Variants in YEATS4 observed in about 807,000 individuals in gnomAD.
YEATS4 encodes the protein YEATS domain-containing protein 4.
YEATS4 carries 17 observed loss-of-function variants against 30.1 expected under a neutral mutation model. That is an observed-to-expected ratio of 0.56 (90% CI 0.39 to 0.85). The LOEUF (loss-of-function observed/expected upper bound fraction) is 0.85. YEATS4 is among the 40% of genes least tolerant of loss of function. YEATS4 has a pLI of 0.00. For missense variants in YEATS4, 142 were observed against 268.3 expected (o/e 0.53, Z 3.29); for synonymous variants, 85 against 87.5 (o/e 0.97, Z 0.16).
At chr12:69,372,143 G>A (rs1481259680) in intron 6 of YEATS4, among the ~76,000 whole-genome samples, 1 of 151,950 alleles carries the variant, frequency 6.6e-6, no homozygotes, top group Non-Finnish European at 1.5e-5. Flanking sequence ...GAGATATGAA[G>A]TCATTTGTGA....
At chr12:69,402,889 A>G in the YEATS4 span, among the ~76,000 whole-genome samples, 1 of 150,786 alleles carries the variant, frequency 6.6e-6, no homozygotes, top group African/African-American at 2.4e-5. Context: ...CGCCTGGCTA[A>G]TTTTTGTATT....
intron 1 of YEATS4, 27 bp from the exon 2 acceptor site, chr12:69,362,761 T>C: frequency 6.4e-7 from 1 of 1,554,394 alleles, no homozygotes; most frequent in Non-Finnish European, 8.8e-7. Context: ...ACAATATTCA[T>C]TTATTTTAAA....
the YEATS4 span, among the ~76,000 whole-genome samples, chr12:69,397,491 A>T: frequency 6.6e-6 from 1 of 152,148 alleles, no homozygotes; most frequent in Non-Finnish European, 1.5e-5. Context: ...AAGATAGTGA[A>T]TAAGTCTCAT....
the YEATS4 span, among the ~76,000 whole-genome samples, chr12:69,399,490 TAGTA>T: frequency 6.6e-6 from 1 of 152,098 alleles, no homozygotes. Flanking sequence ...AGACAGACAA[TAGTA>T]AGTGTTGATG....
chr12:69,426,163 G>A, the YEATS4 span, among the ~76,000 whole-genome samples: 8 of 152,138 alleles, frequency 5.3e-5, no homozygotes, highest in Non-Finnish European at 7.3e-5. Flanking sequence ...GATCACTTGA[G>A]CCCAGGAGTT....
At chr12:69,426,294 T>C in the YEATS4 span, among the ~76,000 whole-genome samples, 2 of 152,204 alleles carry the variant, frequency 1.3e-5, no homozygotes, top group African/African-American at 4.8e-5. Context: ...ATCTTTGCTT[T>C]CTAGGCTAAG....
chr12:69,414,556 T>C, the YEATS4 span, among the ~76,000 whole-genome samples: 2 of 152,182 alleles, frequency 1.3e-5, no homozygotes, highest in Admixed American at 6.5e-5. Flanking sequence ...GTCCCCCAAA[T>C]TGGACAAATT....
chr12:69,422,630 C>CAAAAAAAAAAAA, the YEATS4 span: 1 of 40,484 alleles, frequency 2.5e-5, no homozygotes, highest in African/African-American at 1.0e-4. Flanking sequence ...GACCCTGTCT[C>CAAAAAAAAAAAA]AAAAAAAAAA....
intron 6 of YEATS4, among the ~76,000 whole-genome samples, chr12:69,379,904 T>C (rs1049727500): frequency 3.9e-5 from 6 of 152,212 alleles, no homozygotes; most frequent in African/African-American, 1.4e-4. Flanking sequence ...TTCTTCCATA[T>C]GTCAGTGGTG....
Position 69,390,399 on chromosome 12 carries a change from G to A in YEATS4, c.*83G>A, listed in dbSNP as rs1868303737. On this transcript the variant is annotated 3_prime_UTR_variant, in exon 7 of 7. Coordinates refer to ENST00000247843, the MANE Select transcript of YEATS4 (RefSeq NM_006530.4). ...GAGAAATGGACTTACTGCAAATGCT[G>A]TGATGTTTCTTAGAGGAACTTCATA... 3.8e-6 allele frequency: 5 copies of A among 1,311,560 alleles called. No homozygotes were observed. Among genetic ancestry groups the A allele is most frequent in the Non-Finnish European group, 4.1e-6 (4 of 978,658 alleles). 81.2% of individuals were successfully genotyped at this position (1,311,560 alleles called of 1,614,324 possible).
chr12:69,389,268 G>T (rs952224113), intron 6 of YEATS4, among the ~76,000 whole-genome samples: 3 of 151,746 alleles, frequency 2.0e-5, no homozygotes, highest in Admixed American at 2.0e-4. Context: ...TGGGCAACAC[G>T]GTGAAACCCC....
At chr12:69,414,534 A>G in the YEATS4 span, among the ~76,000 whole-genome samples, 1 of 152,218 alleles carries the variant, frequency 6.6e-6, no homozygotes, top group Non-Finnish European at 1.5e-5. Context: ...CCCGAAGAGT[A>G]CATTTCTTAT....
At chr12:69,405,437 G>A in the YEATS4 span, among the ~76,000 whole-genome samples, 1 of 152,104 alleles carries the variant, frequency 6.6e-6, no homozygotes, top group East Asian at 1.9e-4. Flanking sequence ...AGTGACCTCA[G>A]CGTACAGTTT....
At chr12:69,421,133 C>A in the YEATS4 span, among the ~76,000 whole-genome samples, 1 of 152,152 alleles carries the variant, frequency 6.6e-6, no homozygotes, top group African/African-American at 2.4e-5. Context: ...GCTGGGATTA[C>A]ATCTGTGAGC....
the YEATS4 span, among the ~76,000 whole-genome samples, chr12:69,398,325 A>G: frequency 6.6e-6 from 1 of 152,174 alleles, no homozygotes; most frequent in Non-Finnish European, 1.5e-5. Context: ...ACACACACAA[A>G]AAAACTATTA....
At chr12:69,399,006 G>A in the YEATS4 span, among the ~76,000 whole-genome samples, 23 of 152,040 alleles carry the variant, frequency 1.5e-4, no homozygotes, top group East Asian at 4.1e-3. Context: ...AATTAGCTGG[G>A]CATGGTGGCG....
chr12:69,385,055 A>T (rs1263945417), intron 6 of YEATS4, among the ~76,000 whole-genome samples: 3 of 152,148 alleles, frequency 2.0e-5, no homozygotes, highest in South Asian at 4.1e-4. Flanking sequence ...TCTGTCACTC[A>T]GGCTGGGTTG....
chr12:69,419,891 A>G, the YEATS4 span, among the ~76,000 whole-genome samples: 2 of 152,206 alleles, frequency 1.3e-5, no homozygotes, highest in Non-Finnish European at 2.9e-5. Flanking sequence ...GGAAGAAAAA[A>G]CATGAGGTTT....
the YEATS4 span, among the ~76,000 whole-genome samples, chr12:69,405,847 T>C: frequency 6.6e-6 from 1 of 152,352 alleles, no homozygotes; most frequent in South Asian, 2.1e-4. Context: ...GAAACTGAAA[T>C]GGAAAGCAAA....
Sources: allele counts gnomAD v4.1 joint callset (sites outside exome capture counted in the v4.1 genomes callset), GRCh38; gene constraint gnomAD v4.1.1; transcripts MANE v1.5; gene names NCBI Gene and HGNC (gene_info 2026-07-23, HGNC 2026-07-21).